ARHGEF4: variants seen among roughly 807,000 people sequenced by gnomAD.
ARHGEF4 encodes the protein APC-stimulated guanine nucleotide exchange factor 1.
ARHGEF4 carries 119 observed loss-of-function variants against 162.0 expected under a neutral mutation model. The ratio of observed to expected loss-of-function variants is 0.73; its 90% CI spans 0.63 to 0.86. The LOEUF is 0.86. ARHGEF4 is among the 40% of genes least tolerant of loss of function. The pLI, the probability that ARHGEF4 is intolerant of heterozygous loss-of-function variation, is 0.00. For synonymous variants in ARHGEF4, 1,014 were observed against 979.9 expected (o/e 1.03, Z -0.65); for missense variants, 2,488 against 2,456.0 (o/e 1.01, Z -0.28).
At chr2:130,887,676 G>A (rs1369641162) in intron 1 of ARHGEF4, among the ~76,000 whole-genome samples, 13 of 152,070 alleles carry the variant, frequency 8.5e-5, no homozygotes, top group Non-Finnish European at 1.8e-4. Context: ...AATGACAAAA[G>A]TGTCCATTTT....
rs573079193 is a variant in ARHGEF4, at chr2:130,915,783, G to A, written c.1837G>A (p.Gly613Ser). The A allele has an allele frequency of 3.0e-5, 46 of 1,525,758 alleles. No individual in the cohort carries two copies. The East Asian group carries it at 1.1e-3, about 37-fold the overall frequency. 94.5% of individuals were successfully genotyped at this position (1,525,758 alleles called of 1,614,324 possible). ...EGEQGPGGAG[G>S]RQLEPKAGGE... ...TGAACAGGGGCCTGGGGGTGCCGGG[G>A]GCCGGCAGCTGGAGCCCAAAGCAGG... The change falls in exon 2 of 14, where the codon GGC (glycine) becomes AGC (serine). Residue 613 changes from glycine (G) to serine (S), a missense_variant. Around this residue, in one of 6 missense-constraint regions of ARHGEF4, gnomAD observed 1,642 missense variants for 1,481.5 expected, o/e 1.11. Transcript: ENST00000409359.
At chr2:131,027,041 G>A (rs774771253) in intron 4 of ARHGEF4, among the ~76,000 whole-genome samples, 16 of 152,322 alleles carry the variant, frequency 1.1e-4, no homozygotes, top group Non-Finnish European at 1.6e-4. Context: ...TAGTGGGGCC[G>A]TCATGAAAGC....
intron 4 of ARHGEF4, among the ~76,000 whole-genome samples, chr2:130,995,839 C>T (rs1263841216): frequency 1.3e-5 from 2 of 152,042 alleles, no homozygotes; most frequent in Non-Finnish European, 2.9e-5. Flanking sequence ...ACTCTTGCAT[C>T]CAGTTGCTCT....
chr2:130,849,038 C>T (rs915901588), intron 1 of ARHGEF4, among the ~76,000 whole-genome samples: 4 of 152,252 alleles, frequency 2.6e-5, no homozygotes, highest in Admixed American at 2.6e-4. Flanking sequence ...GAGAGGACAG[C>T]TGTGGGGACT....
chr2:130,948,022 C>A (rs1683724522), intron 4 of ARHGEF4, among the ~76,000 whole-genome samples: 1 of 152,238 alleles, frequency 6.6e-6, no homozygotes, highest in Non-Finnish European at 1.5e-5. Flanking sequence ...GAGGAGCGAG[C>A]TGGCAGTGGA....
intron 4 of ARHGEF4, among the ~76,000 whole-genome samples, chr2:130,993,930 C>A (rs550196607): frequency 1.3e-5 from 2 of 152,190 alleles, no homozygotes; most frequent in African/African-American, 2.4e-5. Flanking sequence ...ACTATAGGCA[C>A]CACCGCACCT....
At chr2:130,847,428 C>T (rs1417630864) in intron 1 of ARHGEF4, among the ~76,000 whole-genome samples, 1 of 152,194 alleles carries the variant, frequency 6.6e-6, no homozygotes, top group Non-Finnish European at 1.5e-5. Flanking sequence ...CTTGGAGGCA[C>T]CAAAAGATCA....
chr2:130,969,001 T>C (rs534031276), intron 4 of ARHGEF4, among the ~76,000 whole-genome samples: 51 of 152,118 alleles, frequency 3.4e-4, no homozygotes, highest in Non-Finnish European at 5.7e-4. Context: ...GCAGAAAGTT[T>C]TTGTGGCTAC....
intron 1 of ARHGEF4, 63 bp from the exon 2 acceptor site, chr2:130,913,923 T>C (rs1681342570): frequency 6.6e-7 from 1 of 1,520,534 alleles, no homozygotes; most frequent in Admixed American, 2.0e-5. Flanking sequence ...GCAGGCACGG[T>C]GTAAACATGT....
At chr2:130,865,649 C>T (rs542273553) in intron 1 of ARHGEF4, among the ~76,000 whole-genome samples, 9 of 152,176 alleles carry the variant, frequency 5.9e-5, no homozygotes, top group Non-Finnish European at 8.8e-5. Context: ...TTCTGATCCT[C>T]GCGGAAAAAG....
chr2:130,902,162 CACTT>C (rs1318732586), intron 1 of ARHGEF4, among the ~76,000 whole-genome samples: 2 of 152,284 alleles, frequency 1.3e-5, no homozygotes, highest in African/African-American at 4.8e-5. Flanking sequence ...TCCATTTTGT[CACTT>C]AGTCACCTCT....
At chr2:130,902,392 G>A (rs1234195856) in intron 1 of ARHGEF4, among the ~76,000 whole-genome samples, 4 of 152,114 alleles carry the variant, frequency 2.6e-5, no homozygotes, top group East Asian at 1.9e-4. Flanking sequence ...TCAGGAGCTT[G>A]AGAACAGCCT....
At chr2:130,937,117 GTCAGGC>G (rs1683004504) in intron 3 of ARHGEF4, among the ~76,000 whole-genome samples, 1 of 149,160 alleles carries the variant, frequency 6.7e-6, no homozygotes, top group Admixed American at 6.8e-5. Context: ...CTCCATGTTG[GTCAGGC>G]TGGTCTTGAA....
At chr2:130,996,997 TCA>T (rs1173305050) in intron 4 of ARHGEF4, among the ~76,000 whole-genome samples, 1 of 152,374 alleles carries the variant, frequency 6.6e-6, no homozygotes, top group African/African-American at 2.4e-5. Context: ...AAATATATTC[TCA>T]CAGTCTGTCA....
chr2:131,021,629 T>C (rs1689143504), intron 4 of ARHGEF4, among the ~76,000 whole-genome samples: 1 of 152,102 alleles, frequency 6.6e-6, no homozygotes, highest in Admixed American at 6.5e-5. Context: ...AATTGACAAA[T>C]GGGATCTAAT....
chr2:130,839,619 G>T (rs1459212629), intron 1 of ARHGEF4, among the ~76,000 whole-genome samples: 1 of 152,124 alleles, frequency 6.6e-6, no homozygotes, highest in Admixed American at 6.5e-5. Context: ...ACCTGCCAGG[G>T]GCCCACACAG....
At chr2:131,004,482 C>T (rs1037648428) in intron 4 of ARHGEF4, among the ~76,000 whole-genome samples, 1 of 152,078 alleles carries the variant, frequency 6.6e-6, no homozygotes, top group Non-Finnish European at 1.5e-5. Context: ...TTTTTTAAAC[C>T]ACATTCGGAA....
At chr2:130,853,325 G>A (rs1041641803) in intron 1 of ARHGEF4, among the ~76,000 whole-genome samples, 6 of 152,164 alleles carry the variant, frequency 3.9e-5, no homozygotes, top group African/African-American at 7.2e-5. Context: ...CTGGGCACAC[G>A]GCTTGGCTGG....
rs1690545256 is a variant in ARHGEF4 at position 131,039,124 on chromosome 2, T to A, written c.4305+92T>A. 2.1e-6 allele frequency: 3 copies of A among 1,434,116 alleles called. No individual in the cohort carries two copies. In the East Asian group the frequency reaches 7.4e-5, roughly 35 times the overall value. The allele number at this position is 1,434,116 out of a possible 1,614,324, so 88.8% of individuals were successfully genotyped here. A position where few individuals can be genotyped will look rare whatever the true frequency, so the allele number is the denominator to read the frequency against. ...ATCCAAGCCCAAAACAGCTCTGGCA[T>A]CCTAGGTGCAGAGCACTGGGTGGTG... On this transcript the variant is annotated intron_variant, in intron 6 of 13. Transcript: ENST00000409359.
Sources: gnomAD v4.1 joint callset for allele counts (sites outside exome capture counted in the v4.1 genomes callset) on GRCh38, gnomAD v4.1.1 for gene constraint, gnomAD v4.1.1 regional missense constraint, MANE v1.5 for transcripts, NCBI Gene and HGNC (gene_info 2026-07-23, HGNC 2026-07-21) for gene names.